The following SLC2A11 variants were observed in gnomAD, a reference collection of about 807,000 sequenced individuals.
SLC2A11 encodes the protein solute carrier family 2 member 11.
A neutral mutation model predicts 52.1 loss-of-function variants in SLC2A11; 43 were observed. The observed-to-expected ratio is 0.82, with a 90% CI of 0.65 to 1.06. The LOEUF (loss-of-function observed/expected upper bound fraction) is 1.06, where lower values mean the gene tolerates loss of function less well. SLC2A11 is among the 50% of genes least tolerant of loss of function. The probability of loss-of-function intolerance (pLI) is 0.00; values close to 1 mark genes in which losing one functional copy is unlikely to be tolerated. For missense variants in SLC2A11, 582 were observed against 654.2 expected (o/e 0.89, Z 1.20); for synonymous variants, 261 against 277.6 (o/e 0.94, Z 0.59).
chr22:23,871,105 A>G (rs763892730), intron 3 of SLC2A11: 1 of 151,918 alleles, frequency 6.6e-6, no homozygotes, highest in Non-Finnish European at 1.5e-5. Context: ...GTCCAACCAA[A>G]TCTTTTGAAA....
chr22:23,877,457 A>G, intron 5 of SLC2A11: 1 of 762,030 alleles, frequency 1.3e-6, no homozygotes, highest in South Asian at 1.5e-5. Context: ...AACGTGTTCC[A>G]GTCATTCCAG....
intron 1 of SLC2A11, among the ~76,000 whole-genome samples, chr22:23,860,648 C>T (rs960467239): frequency 2.0e-5 from 3 of 149,714 alleles, no homozygotes; most frequent in African/African-American, 7.4e-5. Flanking sequence ...GCAGGAGAAT[C>T]GCTTGAACTG....
chr22:23,864,994 C>G (rs2032205759), intron 2 of SLC2A11, among the ~76,000 whole-genome samples: 1 of 151,592 alleles, frequency 6.6e-6, no homozygotes, highest in African/African-American at 2.4e-5. Context: ...GTGATCCCAG[C>G]TCCTCCAGAG....
At chr22:23,867,499 C>T (rs574704491) in intron 2 of SLC2A11, 15 of 324,698 alleles carry the variant, frequency 4.6e-5, no homozygotes, top group East Asian at 3.1e-4. Context: ...TGCCTGGCCA[C>T]GGAATTTCTT....
In SLC2A11 at chr22:23,868,526, G is replaced by A. The variant is rs1466472478; in HGVS notation, c.175G>A (p.Glu59Lys). The change falls in exon 3 of 12, where the codon GAG becomes AAG. Residue 59 changes from glutamate (E) to lysine (K), a missense_variant. Physicochemically the swap from Glu to Lys is moderately conservative, Grantham distance 56. Transcript: ENST00000316185. ...TGAGACATGGCAGGCGCGTACTGGA[G>A]AGCCACTGCCCGATCACCTAGTCCT... ...TNETWQARTG[E>K]PLPDHLVLLM... 3.7e-6 allele frequency: 6 copies of A among 1,614,232 alleles called. No homozygotes were observed. The highest frequency in any genetic ancestry group is 2.2e-5 in the East Asian group (1 of 44,884).
chr22:23,859,334 A>G (rs368578344), intron 1 of SLC2A11, among the ~76,000 whole-genome samples: 2 of 152,218 alleles, frequency 1.3e-5, no homozygotes, highest in African/African-American at 4.8e-5. Context: ...CTCCAGACCT[A>G]TGGCAAGGCC....
In SLC2A11 at chr22:23,882,575, C is replaced by G. The variant is rs775659722; in HGVS notation, c.811C>G (p.Arg271Gly). The stretch of plus-strand genomic sequence containing the variant: ...GCGCCCATGGGAGCTGTTCCAGCAT[C>G]GGGCCCTGAGGAGACAGGTGACAAG... ...ARRPWELFQHRALRRQVTSLV... is the reference protein window; with the variant it reads ...ARRPWELFQHGALRRQVTSLV... Residue 271 changes from arginine (R) to glycine (G), a missense_variant, in exon 7 of 12, where the codon CGG becomes GGG. By Grantham distance (125) the Arg-to-Gly change is moderately radical. Transcript: ENST00000316185. 6.2e-7 allele frequency: 1 copy of G among 1,613,064 alleles called. No individual in the cohort carries two copies. The highest frequency in any genetic ancestry group is 2.2e-5 in the East Asian group (1 of 44,848).
At chr22:23,860,868 C>G (rs1276502953) in intron 1 of SLC2A11, among the ~76,000 whole-genome samples, 1 of 132,402 alleles carries the variant, frequency 7.6e-6, no homozygotes. Context: ...TTTTTTGAGA[C>G]GGAGTCTCGC....
chr22:23,877,197 T>A lies in SLC2A11; in HGVS notation c.545+26T>A, dbSNP rs1406055245. The A allele has an allele frequency of 1.9e-6, 3 of 1,595,468 alleles. No homozygotes were observed. The South Asian group carries it at 3.4e-5, about 18-fold the overall frequency. On this transcript the variant is annotated intron_variant, in intron 5 of 11. Coordinates refer to ENST00000316185, the MANE Select transcript of SLC2A11 (RefSeq NM_001024939.4). The stretch of plus-strand genomic sequence containing the variant: ...GTAAGCACCCCTCCCCCACATGCAT[T>A]GAGTATTTCGGAGATACCAGTAAAA...
chr22:23,861,317 AAAATCCCAACT>A (rs1297504523), intron 1 of SLC2A11, among the ~76,000 whole-genome samples: 10 of 51,272 alleles, frequency 2.0e-4, no homozygotes, highest in Non-Finnish European at 4.9e-4. Context: ...AAAAAAAAAG[AAAATCCCAACT>A]ATCCCAACTA....
chr22:23,883,122 C>T (rs1317438125), intron 8 of SLC2A11: 3 of 514,818 alleles, frequency 5.8e-6, no homozygotes, highest in Non-Finnish European at 1.1e-5. Context: ...ATTATCCCGG[C>T]GTGGTGGCGG....
At position 23,884,558 on chromosome 22, in the gene SLC2A11, G is replaced by C; in HGVS notation, c.1300-91G>C. ...GAGGGGTCTTAGGGGAGCAAAGAGG[G>C]GGGCAAATGCCTCCTCACGACCTGT... On this transcript the variant is annotated intron_variant, in intron 11 of 11. Transcript: ENST00000316185. The surrounding 1 kb of genome is among the most constrained non-coding windows in gnomAD (Gnocchi z 4.3). The C allele has an allele frequency of 6.5e-7, 1 of 1,539,336 alleles. No homozygotes were observed. The highest frequency in any genetic ancestry group is 8.8e-7 in the Non-Finnish European group (1 of 1,139,246).
At chr22:23,878,353 C>T (rs570548837) in intron 6 of SLC2A11, among the ~76,000 whole-genome samples, 91 of 25,360 alleles carry the variant, frequency 3.6e-3, no homozygotes, top group Non-Finnish European at 5.5e-3. Flanking sequence ...CAGTGTGGGG[C>T]GGGGGAGGGG....
At chr22:23,872,901 G>A (rs1302626414) in intron 3 of SLC2A11, 1 of 152,236 alleles carries the variant, frequency 6.6e-6, no homozygotes, top group Admixed American at 6.5e-5. Flanking sequence ...TGCACTTGCT[G>A]CTTCCTCTTC....
chr22:23,870,048 A>G, intron 3 of SLC2A11: 1 of 717,526 alleles, frequency 1.4e-6, no homozygotes, highest in Non-Finnish European at 2.6e-6. Flanking sequence ...TTAAATTTCA[A>G]CCTGAATTTT....
chr22:23,881,759 A>AACAC (rs1365184065), intron 6 of SLC2A11: 1 of 146,982 alleles, frequency 6.8e-6, no homozygotes. Context: ...GAGAGAGAGA[A>AACAC]ACACACACAC....
chr22:23,880,610 CTAT>C (rs2032767250), intron 6 of SLC2A11: 1 of 152,182 alleles, frequency 6.6e-6, no homozygotes, highest in African/African-American at 2.4e-5. Flanking sequence ...TTGATCTTTA[CTAT>C]GAGTCCATGG....
intron 1 of SLC2A11, among the ~76,000 whole-genome samples, chr22:23,858,746 C>G (rs1408718158): frequency 6.6e-6 from 1 of 152,168 alleles, no homozygotes; most frequent in East Asian, 1.9e-4. Context: ...ACCACCTGGT[C>G]CAAACACTTC....
rs567649333 is a variant in SLC2A11 at position 23,877,186 on chromosome 22, C to G, written c.545+15C>G. 8.4e-5 allele frequency: 134 copies of G among 1,602,250 alleles called. No homozygotes were observed. The South Asian group carries it at 1.4e-3, about 16-fold the overall frequency. On this transcript the variant is annotated intron_variant, in intron 5 of 11. Coordinates refer to ENST00000316185, the MANE Select transcript of SLC2A11 (RefSeq NM_001024939.4). The stretch of plus-strand genomic sequence containing the variant: ...GTCGGACTCAGGTAAGCACCCCTCC[C>G]CCACATGCATTGAGTATTTCGGAGA...
Sources: gnomAD v4.1 joint callset for allele counts (sites outside exome capture counted in the v4.1 genomes callset) on GRCh38, gnomAD v4.1.1 for gene constraint, Gnocchi (gnomAD v3.1) non-coding constraint, MANE v1.5 for transcripts, NCBI Gene and HGNC (gene_info 2026-07-23, HGNC 2026-07-21) for gene names.